The following TNRC6A variants were observed in gnomAD, a reference collection of about 807,000 sequenced individuals.
The protein encoded by TNRC6A is trinucleotide repeat-containing gene 6A protein.
A neutral mutation model predicts 221.2 loss-of-function variants in TNRC6A; 44 were observed. The ratio of observed to expected loss-of-function variants is 0.20; its 90% CI spans 0.16 to 0.26. TNRC6A has a LOEUF of 0.26. Among genes scored for constraint, TNRC6A ranks in the 10% least tolerant of loss-of-function variants. TNRC6A has a pLI of 1.00. For missense variants in TNRC6A, 2,199 were observed against 2,404.4 expected (o/e 0.91, Z 1.79); for synonymous variants, 847 against 838.5 (o/e 1.01, Z -0.18).
Position 24,804,316 on chromosome 16 carries a change from T to C in TNRC6A, c.3834T>C (p.Asp1278=), listed in dbSNP as rs773297161. 7 of 1,610,950 alleles carry C rather than the reference T, an allele frequency of 4.3e-6. No individual in the cohort carries two copies. Among genetic ancestry groups the C allele is most frequent in the Admixed American group, 1.7e-5 (1 of 58,820 alleles). Residue 1278 remains aspartate, a synonymous_variant, in exon 12 of 25, where the codon GAT becomes GAC. Transcript: ENST00000395799. ...CCATGGAGCGCAATCCTTATTTTGA[T>C]AAGGTAAGGTTTTTTACTTTTACCT... ...ESSMERNPYF[D]KDGIVADESQ...
Position 24,729,799 on chromosome 16 carries a change from A to G in TNRC6A, c.-43A>G. 2.1e-6 allele frequency: 3 copies of G among 1,402,614 alleles called. No homozygotes were observed. The South Asian group carries it at 4.7e-5, about 22-fold the overall frequency. 86.9% of individuals were successfully genotyped at this position (1,402,614 alleles called of 1,614,324 possible). On this transcript the variant is annotated 5_prime_UTR_variant, in exon 1 of 25. Coordinates refer to ENST00000395799, the MANE Select transcript of TNRC6A (RefSeq NM_014494.4). Reference sequence around the variant, plus strand: ...CGCTGCGGAGGGCTTGAGGCTCGCGAGCCTCCTTCGCCGCGCCCCACTTGC... The same window carrying G: ...CGCTGCGGAGGGCTTGAGGCTCGCGGGCCTCCTTCGCCGCGCCCCACTTGC...
At chr16:24,772,163 T>C (rs1409882546) in intron 4 of TNRC6A, among the ~76,000 whole-genome samples, 1 of 152,228 alleles carries the variant, frequency 6.6e-6, no homozygotes, top group Non-Finnish European at 1.5e-5. Context: ...TCTTGTCTTT[T>C]GGTAATCTCC....
intron 2 of TNRC6A, chr16:24,662,434 T>C (rs531531284): frequency 6.6e-6 from 1 of 151,916 alleles, no homozygotes; most frequent in South Asian, 2.1e-4. Context: ...CAGTGAGCCA[T>C]GATCGTGCCG....
At chr16:24,720,657 C>T (rs1169502721) in intron 2 of TNRC6A, among the ~76,000 whole-genome samples, 1 of 135,670 alleles carries the variant, frequency 7.4e-6, no homozygotes, top group East Asian at 2.2e-4. Context: ...TGCCATTGCA[C>T]TACAGCCTGG....
intron 1 of TNRC6A, among the ~76,000 whole-genome samples, chr16:24,618,133 TG>T (rs11284578): frequency 0.38 from 57,711 of 151,978 alleles, 11,448 homozygotes; most frequent in African/African-American, 0.49. Context: ...TTGCCCAGAC[TG>T]GGTCTTGAAC....
chr16:24,684,280 G>A (rs1036281752), intron 2 of TNRC6A, among the ~76,000 whole-genome samples: 3 of 151,816 alleles, frequency 2.0e-5, no homozygotes, highest in Non-Finnish European at 2.9e-5. Flanking sequence ...GTGGTGGCAC[G>A]TGGGGTCCCA....
chr16:24,737,881 T>C (rs1234962871), intron 2 of TNRC6A, among the ~76,000 whole-genome samples: 1 of 152,206 alleles, frequency 6.6e-6, no homozygotes, highest in Non-Finnish European at 1.5e-5. Flanking sequence ...GGTAGTTAAG[T>C]GTGTGCTGAT....
At chr16:24,793,960 T>C (rs146504138) in intron 7 of TNRC6A, among the ~76,000 whole-genome samples, 2 of 152,342 alleles carry the variant, frequency 1.3e-5, no homozygotes, top group African/African-American at 4.8e-5. Flanking sequence ...CCATCCAGCC[T>C]GAGAGGCCAA....
intron 4 of TNRC6A, among the ~76,000 whole-genome samples, chr16:24,759,555 G>T (rs188203631): frequency 2.6e-5 from 4 of 152,298 alleles, no homozygotes; most frequent in Admixed American, 2.6e-4. Context: ...TGTCTCTAGA[G>T]TTGGGGGGAA....
intron 3 of TNRC6A, among the ~76,000 whole-genome samples, chr16:24,752,439 C>T (rs1463167762): frequency 1.3e-5 from 2 of 152,148 alleles, no homozygotes; most frequent in African/African-American, 4.8e-5. Flanking sequence ...TGGCCCTAGC[C>T]ACCTGCCTTT....
At chr16:24,718,151 A>G (rs926153089) in intron 2 of TNRC6A, among the ~76,000 whole-genome samples, 2 of 152,128 alleles carry the variant, frequency 1.3e-5, no homozygotes, top group Admixed American at 1.3e-4. Flanking sequence ...GGTACTGGAG[A>G]ATACAACACT....
chr16:24,823,488 G>T lies in TNRC6A; in HGVS notation c.5570G>T (p.Ser1857Ile). The change falls in exon 25 of 25, where the codon AGT (serine) becomes ATT (isoleucine). Residue 1857 changes from serine to isoleucine, a missense_variant. Physicochemically the swap from Ser to Ile is moderately radical, Grantham distance 142 (BLOSUM62 -2). Coordinates refer to ENST00000395799, the MANE Select transcript of TNRC6A (RefSeq NM_014494.4). The surrounding 1 kb of genome is among the most constrained non-coding windows in gnomAD (Gnocchi z 4.3). ...LAEFASEEEI[S>I]RFFAQSQSLT... ...GAGTTTGCCAGTGAAGAGGAGATCAGTCGTTTCTTTGCACAAAGCCAGTCT... is the reference window on the plus strand; with the variant it reads ...GAGTTTGCCAGTGAAGAGGAGATCATTCGTTTCTTTGCACAAAGCCAGTCT... 1 of 1,614,138 alleles carries T rather than the reference G, an allele frequency of 6.2e-7. No homozygotes were observed. Among genetic ancestry groups the T allele is most frequent in the Non-Finnish European group, 8.5e-7 (1 of 1,180,012 alleles).
intron 2 of TNRC6A, chr16:24,664,810 C>CAA (rs1485708328): frequency 4.3e-5 from 19 of 445,116 alleles, no homozygotes; most frequent in African/African-American, 4.1e-4. Context: ...CACACACACA[C>CAA]ACAAAACCTA....
intron 2 of TNRC6A, among the ~76,000 whole-genome samples, chr16:24,655,168 C>T (rs892615919): frequency 3.7e-4 from 56 of 151,932 alleles, no homozygotes; most frequent in African/African-American, 1.3e-3. Flanking sequence ...CACCTGAGCC[C>T]AGGAGGTAGA....
At chr16:24,729,639 AG>A (rs2056561004), upstream of TNRC6A, 1 of 491,924 alleles carries the variant, frequency 2.0e-6, no homozygotes, top group African/African-American at 2.1e-5. Flanking sequence ...GGGGTTGCCG[AG>A]TGGGGCATTC....
chr16:24,766,682 T>C (rs2057479781), intron 4 of TNRC6A, among the ~76,000 whole-genome samples: 1 of 148,216 alleles, frequency 6.7e-6, no homozygotes. Context: ...ATCTTTTTTT[T>C]TTTTTTTTTT....
intron 2 of TNRC6A, among the ~76,000 whole-genome samples, chr16:24,677,193 C>T (rs530888121): frequency 4.8e-5 from 7 of 146,936 alleles, no homozygotes; most frequent in Non-Finnish European, 9.0e-5. Flanking sequence ...GACAGAGTCT[C>T]GCTCTGTTGC....
upstream of TNRC6A, among the ~76,000 whole-genome samples, chr16:24,726,680 G>A (rs1258449892): frequency 6.6e-6 from 1 of 152,172 alleles, no homozygotes; most frequent in Non-Finnish European, 1.5e-5. Context: ...AACGAGAGCA[G>A]AAAAATGGAG....
In TNRC6A at chr16:24,825,459, CATTA is replaced by C. The variant is rs1048533370; in HGVS notation, c.*1656_*1659del. 10 of 152,760 alleles carry C rather than the reference CATTA, an allele frequency of 6.5e-5. No individual in the cohort carries two copies. Among genetic ancestry groups the C allele is most frequent in the Admixed American group, 2.0e-4 (3 of 15,298 alleles). 9.5% of individuals were successfully genotyped at this position (152,760 alleles called of 1,614,324 possible). On this transcript the variant is annotated 3_prime_UTR_variant, in exon 25 of 25. Transcript: ENST00000395799. ...AAACCATGACTTTTTGGCTGCTCAACATTAATTGTCTCCTTTTTGTGAATTTATT... is the reference window on the plus strand; with the variant it reads ...AAACCATGACTTTTTGGCTGCTCAACATTGTCTCCTTTTTGTGAATTTATT...
Sources: gnomAD v4.1 joint callset for allele counts (sites outside exome capture counted in the v4.1 genomes callset) on GRCh38, gnomAD v4.1.1 for gene constraint, Gnocchi (gnomAD v3.1) non-coding constraint, MANE v1.5 for transcripts, NCBI Gene and HGNC (gene_info 2026-07-23, HGNC 2026-07-21) for gene names.